The following PCDHGB1 variants were observed in gnomAD, a reference collection of about 807,000 sequenced individuals.
PCDHGB1 encodes the protein protocadherin gamma subfamily B, 1, also known as protocadherin gamma-B1.
A neutral mutation model predicts 56.6 loss-of-function variants in PCDHGB1; 34 were observed. That is an observed-to-expected ratio of 0.60 (90% CI 0.46 to 0.80). The LOEUF is 0.80. PCDHGB1 is among the 30% of genes least tolerant of loss of function. The probability of loss-of-function intolerance (pLI) is 0.00; values close to 1 mark genes in which losing one functional copy is unlikely to be tolerated. For synonymous variants in PCDHGB1, 561 were observed against 505.9 expected (o/e 1.11, Z -1.46); for missense variants, 1,278 against 1,204.6 (o/e 1.06, Z -0.90).
chr5:141,361,748 G>T, intron 1 of PCDHGB1: 1 of 1,613,040 alleles, frequency 6.2e-7, no homozygotes, highest in Non-Finnish European at 8.5e-7. Flanking sequence ...CGCGACCAGG[G>T]CTCGCCCGCG....
At chr5:141,392,859 CT>C in intron 1 of PCDHGB1, 1 of 1,612,504 alleles carries the variant, frequency 6.2e-7, no homozygotes, top group Non-Finnish European at 8.5e-7. Flanking sequence ...GCTGATCCTG[CT>C]GTGCGCGCTG....
chr5:141,431,333 C>G lies in PCDHGB1; in HGVS notation c.2410-63474C>G. 1.2e-6 allele frequency: 2 copies of G among 1,614,058 alleles called. No individual in the cohort carries two copies. The highest frequency in any genetic ancestry group is 2.2e-5 in the South Asian group (2 of 91,088). Reference sequence around the variant, plus strand: ...AAATGGAGCCGACGGTAGTAAGTACCCCGAATTGGTGCTGAAACGCGCCCT... The same window carrying G: ...AAATGGAGCCGACGGTAGTAAGTACGCCGAATTGGTGCTGAAACGCGCCCT... On this transcript the variant is annotated intron_variant, in intron 1 of 3. Coordinates refer to ENST00000523390, the MANE Select transcript of PCDHGB1 (RefSeq NM_018922.3). The surrounding 1 kb of genome is among the most constrained non-coding windows in gnomAD (Gnocchi z 4.8).
Position 141,388,949 on chromosome 5 carries a change from G to A in PCDHGB1, c.2409+36280G>A. The A allele has an allele frequency of 6.2e-7, 1 of 1,613,986 alleles. No homozygotes were observed. The highest frequency in any genetic ancestry group is 8.5e-7 in the Non-Finnish European group (1 of 1,179,876). On this transcript the variant is annotated intron_variant, in intron 1 of 3. Coordinates refer to ENST00000523390, the MANE Select transcript of PCDHGB1 (RefSeq NM_018922.3). ...TCCAGTCTCTACCCAACCTAATTAT[G>A]GAGGACGCCGAGCTGGGAACACATA...
chr5:141,421,572 G>T, intron 1 of PCDHGB1: 1 of 1,613,954 alleles, frequency 6.2e-7, no homozygotes, highest in Admixed American at 1.7e-5. Flanking sequence ...AAGACACCTT[G>T]AAGATTTACG....
At chr5:141,393,754 T>G in intron 1 of PCDHGB1, 1 of 1,613,892 alleles carries the variant, frequency 6.2e-7, no homozygotes, top group Non-Finnish European at 8.5e-7. Flanking sequence ...GAATGTTCAT[T>G]TTATGAAATG....
At chr5:141,357,329 T>C (rs376468685) in intron 1 of PCDHGB1, 1 of 1,614,000 alleles carries the variant, frequency 6.2e-7, no homozygotes, top group Admixed American at 1.7e-5. Context: ...TTTGTCACGG[T>C]GCTGCTAGCA....
intron 1 of PCDHGB1, among the ~76,000 whole-genome samples, chr5:141,458,247 C>T (rs758242859): frequency 4.6e-5 from 7 of 152,100 alleles, no homozygotes; most frequent in South Asian, 2.1e-4. Flanking sequence ...CAAAATGATA[C>T]GGCTCTGATG....
chr5:141,422,151 G>A (rs763343536), intron 1 of PCDHGB1: 1 of 1,575,938 alleles, frequency 6.3e-7, no homozygotes, highest in Admixed American at 2.0e-5. Flanking sequence ...GGGGGTCTCT[G>A]GATTTTGAAA....
chr5:141,351,198 T>G lies in PCDHGB1; in HGVS notation c.938T>G (p.Leu313Trp), dbSNP rs2149761411. ...LDFEETSRYV[L>W]SVEAKDGGVH... ...TTTGAAGAGACAAGTAGATATGTGT[T>G]GAGTGTGGAAGCTAAGGATGGAGGA... The change falls in exon 1 of 4, where the codon TTG (leucine) becomes TGG (tryptophan). Residue 313 changes from leucine to tryptophan, a missense_variant. By Grantham distance (61) the Leu-to-Trp change is moderately conservative (BLOSUM62 -2). Transcript: ENST00000523390. 6.2e-7 allele frequency: 1 copy of G among 1,614,050 alleles called. No individual in the cohort carries two copies. The highest frequency in any genetic ancestry group is 1.6e-4 in the Middle Eastern group (1 of 6,062).
intron 1 of PCDHGB1, chr5:141,418,133 C>T (rs758498780): frequency 2.5e-6 from 4 of 1,613,924 alleles, no homozygotes; most frequent in Non-Finnish European, 3.4e-6. Flanking sequence ...CCGAATAGAC[C>T]GTGAGCAAAT....
intron 1 of PCDHGB1, chr5:141,394,811 C>G (rs1225635250): frequency 7.4e-6 from 12 of 1,613,770 alleles, no homozygotes; most frequent in Non-Finnish European, 1.0e-5. Flanking sequence ...CCGTGGCTGA[C>G]AGCATCCCCG....
intron 1 of PCDHGB1, chr5:141,376,645 T>C: frequency 9.9e-7 from 1 of 1,010,330 alleles, no homozygotes; most frequent in South Asian, 1.7e-5. Flanking sequence ...TTTTGTAAAG[T>C]GGAAGACTCC....
intron 1 of PCDHGB1, chr5:141,421,118 T>A (rs572827470): frequency 1.3e-6 from 1 of 771,946 alleles, no homozygotes; most frequent in South Asian, 1.9e-5. Flanking sequence ...GTATTTTCCT[T>A]CGCTTTCTGA....
At chr5:141,446,296 G>A (rs2098497546) in intron 1 of PCDHGB1, among the ~76,000 whole-genome samples, 1 of 152,160 alleles carries the variant, frequency 6.6e-6, no homozygotes, top group Non-Finnish European at 1.5e-5. Context: ...GGGGAGCAGG[G>A]ATTAAGAGTG....
At position 141,448,827 on chromosome 5, in the gene PCDHGB1, C is replaced by T. The variant is rs540550537; in HGVS notation, c.2410-45980C>T. ...AGGCGTGATGGCGGGCGCCTGTAGT[C>T]CCAGCTACTCTGGAGGCTGAGGCAG... On this transcript the variant is annotated intron_variant, in intron 1 of 3. Transcript: ENST00000523390. Among the ~76,000 whole-genome samples the T allele has an allele frequency of 1.6e-4, 25 of 152,108 alleles. No homozygotes were observed. In the South Asian group the frequency reaches 4.2e-3, roughly 25 times the overall value.
chr5:141,418,712 G>A (rs1431536945), intron 1 of PCDHGB1: 1 of 1,613,976 alleles, frequency 6.2e-7, no homozygotes, highest in African/African-American at 1.3e-5. Context: ...CTTTGGTGTG[G>A]CTGACAAAGC....
chr5:141,433,208 C>CTTTT, intron 1 of PCDHGB1: 1 of 1,293,074 alleles, frequency 7.7e-7, no homozygotes, highest in African/African-American at 1.5e-5. Flanking sequence ...AATCTTCTTT[C>CTTTT]TTTTTTTTTT....
chr5:141,362,840 T>C (rs1762699697), intron 1 of PCDHGB1, among the ~76,000 whole-genome samples: 1 of 152,282 alleles, frequency 6.6e-6, no homozygotes, highest in East Asian at 1.9e-4. Flanking sequence ...ATTGAGACTT[T>C]AGGCAATTAG....
intron 1 of PCDHGB1, among the ~76,000 whole-genome samples, chr5:141,449,588 CAAAAAAAA>C (rs768743917): frequency 1.7e-5 from 1 of 57,492 alleles, no homozygotes; most frequent in South Asian, 6.3e-4. Context: ...GACTCTGTCT[CAAAAAAAA>C]AAAAAAAAAA....
Sources: allele counts gnomAD v4.1 joint callset (sites outside exome capture counted in the v4.1 genomes callset), GRCh38; gene constraint gnomAD v4.1.1; non-coding constraint Gnocchi (gnomAD v3.1); transcripts MANE v1.5; gene names NCBI Gene and HGNC (gene_info 2026-07-23, HGNC 2026-07-21).